ARMC9: variants seen among roughly 807,000 people sequenced by gnomAD.
ARMC9 encodes lisH domain-containing protein ARMC9.
A neutral mutation model predicts 107.0 loss-of-function variants in ARMC9; 94 were observed. That is an observed-to-expected ratio of 0.88 (90% CI 0.74 to 1.04). The LOEUF (loss-of-function observed/expected upper bound fraction) is 1.04. Ranked by LOEUF, ARMC9 falls within the 50% of genes least tolerant of loss-of-function variation. The probability of loss-of-function intolerance (pLI) is 0.00; values close to 1 mark genes in which losing one functional copy is unlikely to be tolerated. For synonymous variants in ARMC9, 380 were observed against 396.9 expected (o/e 0.96, Z 0.51); for missense variants, 942 against 1,030.1 (o/e 0.91, Z 1.17).
chr2:231,348,892 A>G (rs2044919954), intron 21 of ARMC9, among the ~76,000 whole-genome samples: 2 of 152,202 alleles, frequency 1.3e-5, no homozygotes, highest in Admixed American at 1.3e-4. Context: ...ATACCCTCTC[A>G]CCCCCGTTAA....
At chr2:231,201,726 T>C (rs2031013454) in intron 1 of ARMC9, among the ~76,000 whole-genome samples, 2 of 152,246 alleles carry the variant, frequency 1.3e-5, no homozygotes, top group Non-Finnish European at 2.9e-5. Flanking sequence ...ATCGTGGTTG[T>C]ACTGTTTTCC....
At chr2:231,309,504 TTTAA>T (rs918166869) in intron 19 of ARMC9, among the ~76,000 whole-genome samples, 1 of 152,186 alleles carries the variant, frequency 6.6e-6, no homozygotes, top group African/African-American at 2.4e-5. Context: ...ACAATATTTA[TTTAA>T]TAAATAAATA....
chr2:231,203,283 G>A (rs186475433), intron 1 of ARMC9, among the ~76,000 whole-genome samples: 1 of 152,234 alleles, frequency 6.6e-6, no homozygotes, highest in South Asian at 2.1e-4. Context: ...CCAGGTTTTC[G>A]TTGACTCAGC....
At chr2:231,258,920 A>T in intron 10 of ARMC9, 71 bp from the exon 11 acceptor site, 1 of 1,350,338 alleles carries the variant, frequency 7.4e-7, no homozygotes, top group Non-Finnish European at 1.1e-6. Context: ...TGGGTGTCAT[A>T]ATGCTCAGGA....
intron 9 of ARMC9, among the ~76,000 whole-genome samples, chr2:231,244,470 G>A (rs1574766553): frequency 6.6e-6 from 1 of 151,746 alleles, no homozygotes; most frequent in Non-Finnish European, 1.5e-5. Context: ...GGATCAAGTG[G>A]TCCTCCCACC....
At chr2:231,256,431 G>A in intron 9 of ARMC9, 155 bp from the exon 10 acceptor site, 1 of 1,118,154 alleles carries the variant, frequency 8.9e-7, no homozygotes. Context: ...TAAATAAAGC[G>A]TTTGTGTTTC....
chr2:231,325,991 A>T (rs2043292994), intron 19 of ARMC9, among the ~76,000 whole-genome samples: 1 of 152,164 alleles, frequency 6.6e-6, no homozygotes, highest in South Asian at 2.1e-4. Context: ...GTGATTAGAC[A>T]AGAGAAGGGG....
At chr2:231,280,533 A>G (rs972041298) in intron 16 of ARMC9, among the ~76,000 whole-genome samples, 6 of 152,174 alleles carry the variant, frequency 3.9e-5, no homozygotes, top group Non-Finnish European at 7.4e-5. Context: ...ATATACATAC[A>G]TACATACATA....
chr2:231,281,461 C>T (rs1164685069), intron 16 of ARMC9, among the ~76,000 whole-genome samples: 1 of 152,142 alleles, frequency 6.6e-6, no homozygotes, highest in Non-Finnish European at 1.5e-5. Flanking sequence ...ATCCTGTGTG[C>T]CACACCAAGG....
At chr2:231,371,374 C>T in intron 24 of ARMC9, 139 bp from the exon 25 acceptor site, 2 of 1,066,284 alleles carry the variant, frequency 1.9e-6, no homozygotes, top group Non-Finnish European at 1.3e-6. Flanking sequence ...CAGTCGAGCC[C>T]AGGCCACAGA....
At chr2:231,306,610 C>T (rs561024300) in intron 19 of ARMC9, among the ~76,000 whole-genome samples, 8 of 152,006 alleles carry the variant, frequency 5.3e-5, no homozygotes, top group Non-Finnish European at 1.2e-4. Flanking sequence ...CTAGCTAGAC[C>T]GGGGCATGGA....
At chr2:231,236,696 T>A (rs2035745003) in intron 8 of ARMC9, among the ~76,000 whole-genome samples, 1 of 152,180 alleles carries the variant, frequency 6.6e-6, no homozygotes, top group Non-Finnish European at 1.5e-5. Context: ...ATCTCAGCAC[T>A]TTGGGAGGCT....
At chr2:231,281,885 G>A (rs1261315084) in intron 16 of ARMC9, among the ~76,000 whole-genome samples, 174 bp from the exon 17 acceptor site, 2 of 152,230 alleles carry the variant, frequency 1.3e-5, no homozygotes, top group African/African-American at 4.8e-5. Context: ...ACCTGGGCAT[G>A]CAGATGGAGA....
chr2:231,301,546 G>A (rs1421450165), intron 19 of ARMC9, among the ~76,000 whole-genome samples: 4 of 151,708 alleles, frequency 2.6e-5, no homozygotes, highest in Admixed American at 2.6e-4. Flanking sequence ...TTGCTACATT[G>A]TACATTTCCA....
At position 231,345,256 on chromosome 2, in the gene ARMC9, C is replaced by T. The variant is rs777832543; in HGVS notation, c.1994+166C>T. ...GGAGGGAAAGAGGTTGAGTCCTTCTCCCTTCCCCCAGGATTTTTTTATTCC... is the reference window on the plus strand; with the variant it reads ...GGAGGGAAAGAGGTTGAGTCCTTCTTCCTTCCCCCAGGATTTTTTTATTCC... On this transcript the variant is annotated intron_variant, in intron 21 of 24. Transcript: ENST00000611582. 1,021 of 1,302,278 alleles carry T rather than the reference C, an allele frequency of 7.8e-4. 1 individual carries two copies. The highest frequency in any genetic ancestry group is 1.0e-3 in the Non-Finnish European group (999 of 990,876). 80.7% of individuals were successfully genotyped at this position (1,302,278 alleles called of 1,614,324 possible). A position where few individuals can be genotyped will look rare whatever the true frequency, so the allele number is the denominator to read the frequency against.
At chr2:231,342,833 G>C (rs1039466989) in intron 20 of ARMC9, among the ~76,000 whole-genome samples, 6 of 152,154 alleles carry the variant, frequency 3.9e-5, no homozygotes, top group Non-Finnish European at 8.8e-5. Flanking sequence ...AAGAAGCTGG[G>C]TGCCTCCCAC....
In ARMC9 at chr2:231,285,331, A is replaced by C. The variant is rs183028621; in HGVS notation, c.1626+3198A>C. Among the ~76,000 whole-genome samples the C allele has an allele frequency of 5.6e-4, 85 of 152,236 alleles. 1 individual carries two copies. The highest frequency in any genetic ancestry group is 1.9e-3 in the African/African-American group (78 of 41,546). ...GTGAGTTTTGGACTTTGAAAAGGAA[A>C]TGTGGATTACTTACATAAAGATGTA... is the stretch of plus-strand genomic sequence containing the variant. On this transcript the variant is annotated intron_variant, in intron 17 of 24. Transcript: ENST00000611582.
In ARMC9 at chr2:231,335,063, G is replaced by T. The variant is rs145805734; in HGVS notation, c.1878+3166G>T. On this transcript the variant is annotated intron_variant, in intron 20 of 24. Transcript: ENST00000611582. ...TCTGTCAGAAAATTGTATTCAAAAA[G>T]CTTTGAGTGAACCTGTGCCATCTGC... Among the ~76,000 whole-genome samples, 1,146 of 152,300 alleles carry T rather than the reference G, an allele frequency of 7.5e-3. 15 individuals are homozygous for T. Among genetic ancestry groups the T allele is most frequent in the African/African-American group, 0.026 (1,073 of 41,554 alleles).
chr2:231,201,434 T>C (rs1016595543), intron 1 of ARMC9, among the ~76,000 whole-genome samples: 1 of 152,246 alleles, frequency 6.6e-6, no homozygotes. Context: ...TTCCACATCC[T>C]GGCCCCTCCA....
Sources: allele counts gnomAD v4.1 joint callset (sites outside exome capture counted in the v4.1 genomes callset), GRCh38; gene constraint gnomAD v4.1.1; transcripts MANE v1.5; gene names NCBI Gene and HGNC (gene_info 2026-07-23, HGNC 2026-07-21).